Variants in UVRAG observed in about 807,000 individuals in gnomAD.
UVRAG encodes the protein UV radiation resistance associated.
UVRAG carries 19 observed loss-of-function variants against 78.0 expected under a neutral mutation model. The observed-to-expected ratio is 0.24, with a 90% CI of 0.17 to 0.36. The LOEUF (loss-of-function observed/expected upper bound fraction) is 0.36. UVRAG is among the 10% of genes least tolerant of loss of function. The pLI is 1.00. For missense variants in UVRAG, 740 were observed against 853.8 expected, an observed-to-expected ratio of 0.87 and a Z score of 1.66; for synonymous variants, 323 against 324.6, an observed-to-expected ratio of 1.00 and a Z score of 0.05.
chr11:75,822,998 A>G (rs1945431995), intron 1 of UVRAG, among the ~76,000 whole-genome samples: 1 of 152,086 alleles, frequency 6.6e-6, no homozygotes. Flanking sequence ...GGAGCTCACC[A>G]AGAGTTGTCT....
chr11:75,886,034 A>AACT (rs1219375753), intron 4 of UVRAG, among the ~76,000 whole-genome samples: 2 of 152,136 alleles, frequency 1.3e-5, no homozygotes, highest in Admixed American at 1.3e-4. Flanking sequence ...AACATTGATA[A>AACT]ACTACTATAT....
chr11:75,884,240 T>TCTCTCTCTTTCTCTCTCTCTCTCTCTC, intron 4 of UVRAG, among the ~76,000 whole-genome samples: 1 of 132,560 alleles, frequency 7.5e-6, no homozygotes, highest in East Asian at 2.8e-4. Context: ...CTCTCTCTCT[T>TCTCTCTCTTTCTCTCTCTCTCTCTCTC]TCTCTCTCTC....
intron 8 of UVRAG, among the ~76,000 whole-genome samples, chr11:76,002,603 G>T (rs1354303865): frequency 6.6e-6 from 1 of 152,206 alleles, no homozygotes; most frequent in Non-Finnish European, 1.5e-5. Flanking sequence ...GATGAAGTAT[G>T]TGGGGATAGA....
intron 13 of UVRAG, among the ~76,000 whole-genome samples, chr11:76,098,077 G>C (rs1332305323): frequency 6.6e-6 from 1 of 151,072 alleles, no homozygotes; most frequent in South Asian, 2.1e-4. Context: ...TGTTTTTTTG[G>C]TGAGTCTTAT....
chr11:76,141,564 T>G lies in UVRAG; in HGVS notation c.*151T>G. 1 of 824,156 alleles carries G rather than the reference T, an allele frequency of 1.2e-6. No homozygotes were observed. The highest frequency in any genetic ancestry group is 1.8e-6 in the Non-Finnish European group (1 of 543,426). 51.1% of individuals were successfully genotyped at this position (824,156 alleles called of 1,614,324 possible). A position where few individuals can be genotyped will look rare whatever the true frequency, so the allele number is the denominator to read the frequency against. On this transcript the variant is annotated 3_prime_UTR_variant, in exon 15 of 15. Transcript: ENST00000356136. Reference sequence around the variant, plus strand: ...CAGACTTTGGGAATGAAGGAGGGACTCAGGATCATTGTTATCAGTGGGCCA... The same window carrying G: ...CAGACTTTGGGAATGAAGGAGGGACGCAGGATCATTGTTATCAGTGGGCCA...
intron 8 of UVRAG, among the ~76,000 whole-genome samples, chr11:75,998,641 G>A (rs1229062780): frequency 1.3e-5 from 2 of 152,186 alleles, no homozygotes; most frequent in Non-Finnish European, 2.9e-5. Context: ...GGTAGGATGT[G>A]AGCACTGATT....
chr11:75,947,178 T>G (rs138048920), intron 6 of UVRAG, among the ~76,000 whole-genome samples: 2 of 152,276 alleles, frequency 1.3e-5, no homozygotes, highest in African/African-American at 4.8e-5. Flanking sequence ...AACATGAATT[T>G]GGGGCGGGGG....
intron 5 of UVRAG, among the ~76,000 whole-genome samples, chr11:75,902,616 C>T (rs1486472177): frequency 2.0e-5 from 3 of 152,072 alleles, no homozygotes; most frequent in Non-Finnish European, 2.9e-5. Flanking sequence ...TCCAGTTTTC[C>T]ATGTCTTTAT....
chr11:75,818,539 C>T (rs1397666043), intron 1 of UVRAG, among the ~76,000 whole-genome samples: 2 of 150,114 alleles, frequency 1.3e-5, no homozygotes, highest in Admixed American at 6.6e-5. Context: ...AGTGCAGTGG[C>T]GCGATCTTGG....
intron 13 of UVRAG, among the ~76,000 whole-genome samples, chr11:76,075,432 G>A (rs1200787737): frequency 6.6e-6 from 1 of 152,040 alleles, no homozygotes; most frequent in Admixed American, 6.6e-5. Context: ...CCAACATGGT[G>A]AAACCCTGTC....
chr11:75,909,337 A>G (rs1591005069), intron 5 of UVRAG, among the ~76,000 whole-genome samples: 2 of 152,250 alleles, frequency 1.3e-5, no homozygotes, highest in Admixed American at 1.3e-4. Flanking sequence ...TACAAAAATT[A>G]ACTGGGTATG....
At chr11:75,888,076 T>A (rs550478459) in intron 4 of UVRAG, among the ~76,000 whole-genome samples, 32 of 152,334 alleles carry the variant, frequency 2.1e-4, no homozygotes, top group African/African-American at 6.5e-4. Flanking sequence ...ATTGCTTTTT[T>A]AAAAATTGCC....
chr11:76,072,838 C>T (rs1951339937), intron 13 of UVRAG, among the ~76,000 whole-genome samples: 1 of 152,146 alleles, frequency 6.6e-6, no homozygotes, highest in South Asian at 2.1e-4. Context: ...GTGACAGATT[C>T]CTTTTTCTTC....
intron 7 of UVRAG, among the ~76,000 whole-genome samples, chr11:75,975,486 T>A (rs1949219836): frequency 6.6e-6 from 1 of 152,230 alleles, no homozygotes; most frequent in African/African-American, 2.4e-5. Context: ...TATTGATTCT[T>A]CCTATCCATG....
chr11:76,075,797 A>G (rs1407072753), intron 13 of UVRAG, among the ~76,000 whole-genome samples: 3 of 152,096 alleles, frequency 2.0e-5, no homozygotes, highest in African/African-American at 7.2e-5. Flanking sequence ...TTCTGTTTCT[A>G]TAGATTTGCT....
chr11:76,054,603 T>C (rs542952889), intron 12 of UVRAG, among the ~76,000 whole-genome samples: 1 of 152,330 alleles, frequency 6.6e-6, no homozygotes, highest in South Asian at 2.1e-4. Context: ...TGAATGTGAC[T>C]ATACCAGGCA....
rs554356075 is a variant in UVRAG, at chr11:75,893,695, A to G, written c.507+4792A>G. On this transcript the variant is annotated intron_variant, in intron 5 of 14. Transcript: ENST00000356136. ...CAAAAAAAAAAAAAAAAAAAAAAAAAAATTAGCCAGGCATGGTACATGGCT... is the reference window on the plus strand; with the variant it reads ...CAAAAAAAAAAAAAAAAAAAAAAAAGAATTAGCCAGGCATGGTACATGGCT... Among the ~76,000 whole-genome samples the G allele has an allele frequency of 7.8e-3, 1,180 of 150,778 alleles. 15 individuals are homozygous for G. The highest frequency in any genetic ancestry group is 0.028 in the African/African-American group (1,131 of 40,900).
rs893448004 is a variant in UVRAG, at chr11:75,892,338, C to T, written c.507+3435C>T. The T allele has an allele frequency of 5.1e-6, 5 of 985,294 alleles. No homozygotes were observed. In the African/African-American group the frequency reaches 8.7e-5, roughly 17 times the overall value. 61.0% of individuals were successfully genotyped at this position (985,294 alleles called of 1,614,324 possible). A position where few individuals can be genotyped will look rare whatever the true frequency, so the allele number is the denominator to read the frequency against. ...GCAGATGCTCCTTTCATGACCTTTT[C>T]TCCTGAGAAATGGAGTGGGGCATTT... On this transcript the variant is annotated intron_variant, in intron 5 of 14. Transcript: ENST00000356136.
At chr11:75,929,425 G>A (rs755143695) in intron 6 of UVRAG, among the ~76,000 whole-genome samples, 47 of 152,100 alleles carry the variant, frequency 3.1e-4, no homozygotes, top group South Asian at 1.0e-3. Flanking sequence ...TCAGAGAGTT[G>A]TTTTATGAGT....
Sources: allele counts gnomAD v4.1 joint callset (sites outside exome capture counted in the v4.1 genomes callset), GRCh38; gene constraint gnomAD v4.1.1; transcripts MANE v1.5; gene names NCBI Gene and HGNC (gene_info 2026-07-23, HGNC 2026-07-21).